Variants in CABIN1 observed in about 807,000 individuals in gnomAD.
CABIN1 encodes calcineurin-binding protein cabin-1.
Under a neutral mutation model 227.7 loss-of-function variants are expected in CABIN1, and 133 were observed. That is an observed-to-expected ratio of 0.58 (90% CI 0.51 to 0.67). The LOEUF (loss-of-function observed/expected upper bound fraction) is 0.67, where lower values mean the gene tolerates loss of function less well. CABIN1 is among the 30% of genes least tolerant of loss of function. CABIN1 has a pLI of 0.00. For missense variants in CABIN1, 2,408 were observed against 2,852.5 expected, an observed-to-expected ratio of 0.84 and a Z score of 3.55; for synonymous variants, 1,086 against 1,155.1, an observed-to-expected ratio of 0.94 and a Z score of 1.21.
At chr22:24,100,455 G>A (rs970903049) in intron 26 of CABIN1, among the ~76,000 whole-genome samples, 7 of 152,270 alleles carry the variant, frequency 4.6e-5, no homozygotes, top group African/African-American at 1.4e-4. Flanking sequence ...GTCAGGGGAT[G>A]TGCTGGTGGC....
intron 16 of CABIN1, among the ~76,000 whole-genome samples, chr22:24,068,879 A>G (rs2039883071): frequency 6.6e-6 from 1 of 152,198 alleles, no homozygotes; most frequent in Non-Finnish European, 1.5e-5. Context: ...TTTGTTCTAC[A>G]CACATAGCTT....
intron 26 of CABIN1, among the ~76,000 whole-genome samples, chr22:24,101,485 T>C (rs547605888): frequency 6.6e-6 from 1 of 152,312 alleles, no homozygotes; most frequent in Admixed American, 6.5e-5. Context: ...ACTCTGACTC[T>C]ACCGCAGCCT....
chr22:24,143,228 G>A (rs1033873210), intron 29 of CABIN1, among the ~76,000 whole-genome samples: 8 of 152,206 alleles, frequency 5.3e-5, no homozygotes, highest in African/African-American at 9.6e-5. Context: ...TTCCTACACC[G>A]GGATTGGCCC....
At chr22:24,057,099 G>T (rs1425983388) in intron 10 of CABIN1, among the ~76,000 whole-genome samples, 1 of 152,116 alleles carries the variant, frequency 6.6e-6, no homozygotes, top group Non-Finnish European at 1.5e-5. Context: ...ACCGCGCCTG[G>T]CTAATTTTTT....
At chr22:24,150,740 G>A (rs542991810) in intron 29 of CABIN1, among the ~76,000 whole-genome samples, 2 of 152,198 alleles carry the variant, frequency 1.3e-5, no homozygotes, top group Non-Finnish European at 2.9e-5. Context: ...TGGCTCCGCT[G>A]GTGGAAGAGT....
At chr22:24,017,039 CTTTT>C (rs767688741) in intron 1 of CABIN1, among the ~76,000 whole-genome samples, 3 of 122,202 alleles carry the variant, frequency 2.5e-5, no homozygotes, top group African/African-American at 3.1e-5. Flanking sequence ...TACAATTTAT[CTTTT>C]TTTTTTTTTT....
rs762275 is a variant in CABIN1, at chr22:24,132,283, T to C, written c.4633-2019T>C. Among the ~76,000 whole-genome samples the C allele has an allele frequency of 3.3e-5, 5 of 152,330 alleles. No homozygotes were observed. In the East Asian group the frequency reaches 7.7e-4, roughly 24 times the overall value. On this transcript the variant is annotated intron_variant, in intron 28 of 36. Coordinates refer to ENST00000263119, the MANE Select transcript of CABIN1 (RefSeq NM_012295.4). ...CTGAGTCTTCCTCTTGGAGCCCTGC[T>C]CTACTCACTAATCTTTGAGCTAATC...
chr22:24,095,829 G>A, intron 24 of CABIN1, 102 bp from the exon 25 acceptor site: 1 of 1,272,806 alleles, frequency 7.9e-7, no homozygotes, highest in Non-Finnish European at 1.1e-6. Context: ...GTGGCAGCCT[G>A]TTGCCCTGGT....
At chr22:24,085,468 G>A (rs1285957308) in intron 22 of CABIN1, among the ~76,000 whole-genome samples, 1 of 152,192 alleles carries the variant, frequency 6.6e-6, no homozygotes, top group Non-Finnish European at 1.5e-5. Context: ...GCTCCATCCT[G>A]TTGGTTTTGT....
chr22:24,086,175 A>G (rs1210360042), intron 22 of CABIN1, among the ~76,000 whole-genome samples: 1 of 152,208 alleles, frequency 6.6e-6, no homozygotes, highest in Non-Finnish European at 1.5e-5. Context: ...GTGACTGGGA[A>G]CCAGTGTGAT....
chr22:24,054,699 C>T (rs1569134330), intron 8 of CABIN1, among the ~76,000 whole-genome samples, 174 bp from the exon 9 acceptor site: 1 of 152,180 alleles, frequency 6.6e-6, no homozygotes. Flanking sequence ...CTGTGTTAGA[C>T]AAGATTTCAT....
chr22:24,166,342 C>T (rs2046445662), intron 31 of CABIN1, among the ~76,000 whole-genome samples: 5 of 152,220 alleles, frequency 3.3e-5, no homozygotes. Flanking sequence ...CCCAGCTCAG[C>T]CCAGGCCTGT....
At chr22:24,121,237 A>T (rs749432043) in intron 28 of CABIN1, among the ~76,000 whole-genome samples, 35 of 152,210 alleles carry the variant, frequency 2.3e-4, no homozygotes, top group Non-Finnish European at 4.1e-4. Context: ...CTGGCTTGGC[A>T]CTGGCTATGT....
At chr22:24,043,439 C>G (rs531355641) in intron 6 of CABIN1, among the ~76,000 whole-genome samples, 24 of 150,564 alleles carry the variant, frequency 1.6e-4, no homozygotes, top group Non-Finnish European at 3.1e-4. Context: ...AAAAAAATAC[C>G]ATAGATTGGG....
chr22:24,139,269 C>T (rs1285145164), intron 29 of CABIN1, among the ~76,000 whole-genome samples: 2 of 152,250 alleles, frequency 1.3e-5, no homozygotes, highest in African/African-American at 4.8e-5. Context: ...ATGTGTCGTG[C>T]GGCTTTTTAA....
At chr22:24,090,529 T>C (rs1468280157) in intron 23 of CABIN1, among the ~76,000 whole-genome samples, 1 of 151,548 alleles carries the variant, frequency 6.6e-6, no homozygotes, top group African/African-American at 2.4e-5. Context: ...TTTTTTTTTT[T>C]TTTTTTTTTC....
intron 28 of CABIN1, among the ~76,000 whole-genome samples, chr22:24,133,271 G>T (rs1344327426): frequency 2.6e-5 from 4 of 152,250 alleles, no homozygotes; most frequent in African/African-American, 9.6e-5. Flanking sequence ...AGGCAGGCTA[G>T]CATGGGCCCC....
chr22:24,138,548 T>C (rs1320600052), intron 29 of CABIN1, among the ~76,000 whole-genome samples: 3 of 152,226 alleles, frequency 2.0e-5, no homozygotes, highest in Admixed American at 2.0e-4. Context: ...TTCAAGTTGA[T>C]GTTCCTACAA....
intron 26 of CABIN1, among the ~76,000 whole-genome samples, chr22:24,111,889 C>T (rs1442275537): frequency 1.3e-5 from 2 of 152,190 alleles, no homozygotes; most frequent in Non-Finnish European, 2.9e-5. Flanking sequence ...CTGGGAAAGG[C>T]ATTCGTCATC....
Sources: allele counts gnomAD v4.1 joint callset (sites outside exome capture counted in the v4.1 genomes callset), GRCh38; gene constraint gnomAD v4.1.1; transcripts MANE v1.5; gene names NCBI Gene and HGNC (gene_info 2026-07-23, HGNC 2026-07-21).